The following MGAT4C variants were observed in gnomAD, a reference collection of about 807,000 sequenced individuals.
The protein encoded by MGAT4C is alpha-1,3-mannosyl-glycoprotein 4-beta-N-acetylglucosaminyltransferase C.
Under a neutral mutation model 40.1 loss-of-function variants are expected in MGAT4C, and 19 were observed. The observed-to-expected ratio is 0.47, with a 90% confidence interval of 0.33 to 0.70. The LOEUF (loss-of-function observed/expected upper bound fraction) is 0.70. Ranked by LOEUF, MGAT4C falls within the 30% of genes least tolerant of loss-of-function variation. The probability of loss-of-function intolerance (pLI) is 0.02; values close to 1 mark genes in which losing one functional copy is unlikely to be tolerated. For missense variants in MGAT4C, 491 were observed against 563.2 expected (o/e 0.87, Z 1.30); for synonymous variants, 181 against 187.1 (o/e 0.97, Z 0.27).
intron 1 of MGAT4C, among the ~76,000 whole-genome samples, chr12:86,126,126 A>G (rs1385466653): frequency 2.6e-5 from 4 of 152,048 alleles, no homozygotes; most frequent in Non-Finnish European, 5.9e-5. Flanking sequence ...TATTAAAGAC[A>G]AAGCAGAATA....
At chr12:86,398,561 T>C (rs1349017368) in intron 3 of MGAT4C, among the ~76,000 whole-genome samples, 1 of 151,982 alleles carries the variant, frequency 6.6e-6, no homozygotes, top group African/African-American at 2.4e-5. Context: ...TTCTTGTCCA[T>C]GGTTCCTGAC....
At chr12:86,444,846 A>G (rs1191104327) in intron 2 of MGAT4C, among the ~76,000 whole-genome samples, 1 of 152,142 alleles carries the variant, frequency 6.6e-6, no homozygotes, top group Non-Finnish European at 1.5e-5. Context: ...CTCTTAAACA[A>G]CTCCCCAAGA....
At chr12:86,708,152 G>A (rs1950495729) in intron 2 of MGAT4C, among the ~76,000 whole-genome samples, 1 of 152,194 alleles carries the variant, frequency 6.6e-6, no homozygotes, top group Non-Finnish European at 1.5e-5. Context: ...CCAGGCCCAG[G>A]GTCCCCATGC....
chr12:86,683,609 A>C (rs1430299119), intron 2 of MGAT4C, among the ~76,000 whole-genome samples: 1 of 152,130 alleles, frequency 6.6e-6, no homozygotes, highest in Non-Finnish European at 1.5e-5. Context: ...ACCATGACTC[A>C]CCACTATGCT....
chr12:86,611,305 G>T (rs1156760140), intron 2 of MGAT4C, among the ~76,000 whole-genome samples: 2 of 152,092 alleles, frequency 1.3e-5, no homozygotes, highest in East Asian at 3.9e-4. Context: ...CTCTACAGCA[G>T]ATACGCAAAG....
chr12:86,103,087 A>T (rs1377937853), intron 1 of MGAT4C, among the ~76,000 whole-genome samples: 2 of 152,094 alleles, frequency 1.3e-5, no homozygotes, highest in Non-Finnish European at 2.9e-5. Flanking sequence ...TAATGCCTGC[A>T]TTGGCTCCAT....
At chr12:86,441,693 T>C (rs1957231802) in intron 2 of MGAT4C, among the ~76,000 whole-genome samples, 1 of 152,108 alleles carries the variant, frequency 6.6e-6, no homozygotes, top group South Asian at 2.1e-4. Context: ...TTTTTATGGC[T>C]GCATAGTATT....
intron 1 of MGAT4C, among the ~76,000 whole-genome samples, chr12:86,766,704 A>C (rs891045927): frequency 1.3e-5 from 2 of 152,106 alleles, no homozygotes; most frequent in African/African-American, 4.8e-5. Flanking sequence ...AGAACTCAAG[A>C]TTAAGAAACT....
intron 1 of MGAT4C, among the ~76,000 whole-genome samples, chr12:86,787,836 C>T (rs1468531056): frequency 6.6e-6 from 1 of 152,160 alleles, no homozygotes; most frequent in African/African-American, 2.4e-5. Context: ...CAGCCTCCAC[C>T]TCCAGGCTTA....
rs200708444 is a variant in MGAT4C at position 86,796,086 on chromosome 12, TAGAGA to T, written c.-262+42575_-262+42579del. On this transcript the variant is annotated intron_variant, in intron 1 of 7. Transcript: ENST00000548651. ...CATAAAAAATACAATAATTCTGATA[TAGAGA>T]AAAGTTTCTAGCACCTGAACTTGAC... 6.7e-4 allele frequency among the ~76,000 whole-genome samples: 101 copies of T among 151,796 alleles called. No individual in the cohort carries two copies. In the East Asian group the frequency reaches 0.017, roughly 25 times the overall value.
intron 2 of MGAT4C, among the ~76,000 whole-genome samples, chr12:86,605,840 G>T (rs1324892837): frequency 6.6e-6 from 1 of 152,060 alleles, no homozygotes; most frequent in Non-Finnish European, 1.5e-5. Flanking sequence ...CAGTTTATAG[G>T]CTAAGAGAAA....
intron 2 of MGAT4C, among the ~76,000 whole-genome samples, chr12:86,622,555 C>T (rs912711189): frequency 3.3e-5 from 5 of 152,078 alleles, no homozygotes; most frequent in East Asian, 3.9e-4. Flanking sequence ...TATTATGCCT[C>T]AGTAGTGTGA....
intron 2 of MGAT4C, among the ~76,000 whole-genome samples, chr12:86,013,504 ATAC>A (rs768533157): frequency 6.6e-6 from 1 of 152,188 alleles, no homozygotes; most frequent in Non-Finnish European, 1.5e-5. Context: ...ATGGATAAAC[ATAC>A]TAACATACAA....
chr12:86,116,245 C>T (rs540103400), intron 1 of MGAT4C, among the ~76,000 whole-genome samples: 3 of 151,696 alleles, frequency 2.0e-5, no homozygotes, highest in Non-Finnish European at 4.4e-5. Context: ...GGGTAGAAGT[C>T]GGGCATAATC....
intron 1 of MGAT4C, among the ~76,000 whole-genome samples, chr12:86,809,698 A>G (rs976565632): frequency 1.3e-5 from 2 of 151,878 alleles, no homozygotes; most frequent in African/African-American, 4.8e-5. Context: ...GGGCCATTTT[A>G]TAATTAGATT....
chr12:86,571,716 G>A (rs918569673), intron 2 of MGAT4C, among the ~76,000 whole-genome samples: 1 of 152,046 alleles, frequency 6.6e-6, no homozygotes, highest in Non-Finnish European at 1.5e-5. Flanking sequence ...ATGGATAATG[G>A]AGAGTTAACT....
At chr12:86,027,438 C>T (rs1191154706) in intron 2 of MGAT4C, among the ~76,000 whole-genome samples, 2 of 151,306 alleles carry the variant, frequency 1.3e-5, no homozygotes, top group African/African-American at 4.9e-5. Context: ...TGTTTAATTA[C>T]TTAGATCAAA....
chr12:86,063,573 G>C (rs1210950388), intron 1 of MGAT4C, among the ~76,000 whole-genome samples: 1 of 152,136 alleles, frequency 6.6e-6, no homozygotes, highest in Non-Finnish European at 1.5e-5. Flanking sequence ...AAAAGACACA[G>C]ACCGACAAAC....
At chr12:86,146,133 A>G (rs960335614) in intron 1 of MGAT4C, among the ~76,000 whole-genome samples, 5 of 152,072 alleles carry the variant, frequency 3.3e-5, no homozygotes, top group African/African-American at 1.2e-4. Context: ...CAAAATAAAC[A>G]TTTTCTTACT....
Sources: gnomAD v4.1 joint callset for allele counts (sites outside exome capture counted in the v4.1 genomes callset) on GRCh38, gnomAD v4.1.1 for gene constraint, MANE v1.5 for transcripts, NCBI Gene and HGNC (gene_info 2026-07-23, HGNC 2026-07-21) for gene names.